Variants in CA8 observed in about 807,000 individuals in gnomAD.
CA8 encodes carbonic anhydrase-related protein.
A neutral mutation model predicts 41.4 loss-of-function variants in CA8; 22 were observed. The observed-to-expected ratio is 0.53, with a 90% CI of 0.38 to 0.76. The LOEUF (loss-of-function observed/expected upper bound fraction) is 0.76, where lower values mean the gene tolerates loss of function less well. CA8 is among the 30% of genes least tolerant of loss of function. CA8 has a pLI of 0.00. For synonymous variants in CA8, 121 were observed against 130.6 expected, an observed-to-expected ratio of 0.93 and a Z score of 0.50; for missense variants, 270 against 352.8, an observed-to-expected ratio of 0.77 and a Z score of 1.88.
intron 3 of CA8, among the ~76,000 whole-genome samples, chr8:60,241,140 TA>T (rs1335819782): frequency 6.6e-6 from 1 of 152,256 alleles, no homozygotes; most frequent in East Asian, 1.9e-4. Flanking sequence ...CAGATGCTGC[TA>T]CGCTTTAAGT....
At chr8:60,267,199 A>G (rs1160239270) in intron 2 of CA8, among the ~76,000 whole-genome samples, 5 of 152,246 alleles carry the variant, frequency 3.3e-5, no homozygotes, top group African/African-American at 1.2e-4. Flanking sequence ...GTCAAGGTAC[A>G]TATAATACAG....
intron 3 of CA8, among the ~76,000 whole-genome samples, chr8:60,256,641 C>T (rs1361593078): frequency 6.6e-6 from 1 of 152,170 alleles, no homozygotes; most frequent in East Asian, 1.9e-4. Flanking sequence ...AGGTTAAAAA[C>T]TTACAGAGTT....
At position 60,281,073 on chromosome 8, in the gene CA8, C is replaced by T; in HGVS notation, c.75G>A (p.Glu25=). 6.2e-7 allele frequency: 1 copy of T among 1,611,262 alleles called. No homozygotes were observed. The highest frequency in any genetic ancestry group is 8.5e-7 in the Non-Finnish European group (1 of 1,179,310). ...CTTCCTCGTAGCCCCACTCCACACC[C>T]TCCTCTTCTTCCTCCTCATCCTCTT... ...EKEEDEEEEE[E]GVEWGYEEGV... The change falls in exon 1 of 9, where the codon GAG becomes GAA. Residue 25 remains glutamate, a synonymous_variant. Coordinates refer to ENST00000317995, the MANE Select transcript of CA8 (RefSeq NM_004056.6).
intron 2 of CA8, among the ~76,000 whole-genome samples, chr8:60,268,052 A>G (rs1487925394): frequency 6.6e-6 from 1 of 152,020 alleles, no homozygotes; most frequent in Non-Finnish European, 1.5e-5. Flanking sequence ...CACCTCCCAA[A>G]CCAAAATGAA....
intron 7 of CA8, among the ~76,000 whole-genome samples, chr8:60,219,139 T>C (rs1807140240): frequency 6.6e-6 from 1 of 151,038 alleles, no homozygotes; most frequent in Admixed American, 6.6e-5. Context: ...TTTTCTTGGG[T>C]GTCTTATTTC....
At position 60,247,519 on chromosome 8, in the gene CA8, T is replaced by C. The variant is rs577038821; in HGVS notation, c.418-15140A>G. Among the ~76,000 whole-genome samples the C allele has an allele frequency of 1.2e-3, 180 of 152,306 alleles. 1 individual carries two copies. Among genetic ancestry groups the C allele is most frequent in the African/African-American group, 3.9e-3 (163 of 41,566 alleles). On this transcript the variant is annotated intron_variant, in intron 3 of 8. Coordinates refer to ENST00000317995, the MANE Select transcript of CA8 (RefSeq NM_004056.6). ...GAACATGCAGTGTTTGGTTTTCTGTTCCTGTGTTAGGTTGCTGAGAATGAT... is the reference window on the plus strand; with the variant it reads ...GAACATGCAGTGTTTGGTTTTCTGTCCCTGTGTTAGGTTGCTGAGAATGAT...
At chr8:60,221,024 T>C (rs1807227006) in intron 7 of CA8, among the ~76,000 whole-genome samples, 1 of 152,250 alleles carries the variant, frequency 6.6e-6, no homozygotes, top group Non-Finnish European at 1.5e-5. Context: ...TTGAATTTTA[T>C]GTGAGCATGA....
intron 3 of CA8, among the ~76,000 whole-genome samples, chr8:60,245,189 T>C (rs1248452222): frequency 6.6e-6 from 1 of 152,038 alleles, no homozygotes; most frequent in Non-Finnish European, 1.5e-5. Context: ...AAACACCATA[T>C]ATCTTCAAAA....
rs969463988 is a variant in CA8, at chr8:60,185,772, T to C, written c.*4249A>G. ...AAACTAAAGATTTGTCCCTATCAGA[T>C]TTGCCTTATATAAAAATATATTAAA... is the stretch of plus-strand genomic sequence containing the variant. On this transcript the variant is annotated 3_prime_UTR_variant, in exon 9 of 9. Coordinates refer to ENST00000317995, the MANE Select transcript of CA8 (RefSeq NM_004056.6). Among the ~76,000 whole-genome samples the C allele has an allele frequency of 2.6e-5, 4 of 151,974 alleles. No individual in the cohort carries two copies. The highest frequency in any genetic ancestry group is 9.7e-5 in the African/African-American group (4 of 41,380).
intron 8 of CA8, among the ~76,000 whole-genome samples, chr8:60,196,903 C>A (rs766019106): frequency 6.6e-6 from 1 of 152,048 alleles, no homozygotes. Flanking sequence ...CACATGAATA[C>A]ACAGATAAAT....
chr8:60,216,418 A>C (rs1807023928), intron 7 of CA8, among the ~76,000 whole-genome samples: 1 of 152,238 alleles, frequency 6.6e-6, no homozygotes, highest in Non-Finnish European at 1.5e-5. Flanking sequence ...GCTCTGTGCT[A>C]ATAGCACCTA....
intron 3 of CA8, among the ~76,000 whole-genome samples, chr8:60,259,156 T>C (rs1187905549): frequency 6.6e-6 from 1 of 152,180 alleles, no homozygotes; most frequent in Admixed American, 6.5e-5. Flanking sequence ...TACATGGATA[T>C]GAGTTATTTA....
At chr8:60,195,091 TG>T (rs1806243729) in intron 8 of CA8, among the ~76,000 whole-genome samples, 1 of 152,194 alleles carries the variant, frequency 6.6e-6, no homozygotes, top group African/African-American at 2.4e-5. Context: ...CTCCTCCCTT[TG>T]GGATTTTCTC....
intron 2 of CA8, among the ~76,000 whole-genome samples, chr8:60,278,103 T>C (rs556380281): frequency 1.4e-5 from 2 of 139,858 alleles, no homozygotes; most frequent in African/African-American, 5.7e-5. Flanking sequence ...TGTTTTAGAG[T>C]GAGGCAGAAG....
chr8:60,211,967 T>A (rs998298207), intron 7 of CA8, among the ~76,000 whole-genome samples: 10 of 152,248 alleles, frequency 6.6e-5, no homozygotes, highest in Non-Finnish European at 1.2e-4. Context: ...CAGAGACCAT[T>A]ATTATCACAT....
intron 2 of CA8, among the ~76,000 whole-genome samples, chr8:60,270,566 C>T (rs1178746914): frequency 2.0e-5 from 3 of 152,092 alleles, no homozygotes; most frequent in African/African-American, 4.8e-5. Flanking sequence ...TAGGTGTGCA[C>T]CACCATGCCT....
chr8:60,210,819 T>C (rs1163562254), intron 7 of CA8, among the ~76,000 whole-genome samples: 1 of 152,176 alleles, frequency 6.6e-6, no homozygotes, highest in African/African-American at 2.4e-5. Context: ...TACTTGATGG[T>C]TTTTCGCTAG....
At chr8:60,217,688 T>C (rs1200620235) in intron 7 of CA8, among the ~76,000 whole-genome samples, 3 of 152,182 alleles carry the variant, frequency 2.0e-5, no homozygotes, top group Non-Finnish European at 4.4e-5. Context: ...TCTTCCTCCT[T>C]GATTCCCTAT....
intron 3 of CA8, among the ~76,000 whole-genome samples, chr8:60,237,576 C>G (rs952052978): frequency 6.6e-6 from 1 of 152,230 alleles, no homozygotes; most frequent in Non-Finnish European, 1.5e-5. Context: ...CCCTGCCCCA[C>G]AGGCCTTCAA....
Sources: gnomAD v4.1 joint callset for allele counts (sites outside exome capture counted in the v4.1 genomes callset) on GRCh38, gnomAD v4.1.1 for gene constraint, MANE v1.5 for transcripts, NCBI Gene and HGNC (gene_info 2026-07-23, HGNC 2026-07-21) for gene names.